The following ADAM32 variants were observed in gnomAD, a reference collection of about 807,000 sequenced individuals.
The protein encoded by ADAM32 is disintegrin and metalloproteinase domain-containing protein 32.
A neutral mutation model predicts 114.9 loss-of-function variants in ADAM32; 89 were observed. The ratio of observed to expected loss-of-function variants is 0.77; its 90% CI spans 0.65 to 0.92. The LOEUF (loss-of-function observed/expected upper bound fraction) is 0.92. Among genes scored for constraint, ADAM32 ranks in the 40% least tolerant of loss-of-function variants. The probability of loss-of-function intolerance (pLI) is 0.00; values close to 1 mark genes in which losing one functional copy is unlikely to be tolerated. For synonymous variants in ADAM32, 285 were observed against 307.5 expected (o/e 0.93, Z 0.77); for missense variants, 870 against 932.8 (o/e 0.93, Z 0.88).
rs34870154 is a variant in ADAM32 at position 39,275,885 on chromosome 8, AT to A, written c.2279+27del. ...CTAGCAAGTAAGTGAATTAGGGGGC[AT>A]TTTTTTTATATAATAAGTATATGTT... On this transcript the variant is annotated intron_variant, in intron 22 of 24. Coordinates refer to ENST00000379907, the MANE Select transcript of ADAM32 (RefSeq NM_145004.7). 1,663 of 1,534,822 alleles carry A rather than the reference AT, an allele frequency of 1.1e-3. 10 individuals carry two copies. In the African/African-American group the frequency reaches 0.018, roughly 17 times the overall value.
intron 22 of ADAM32, among the ~76,000 whole-genome samples, chr8:39,277,054 CTA>C (rs10612097): frequency 0.34 from 51,289 of 151,872 alleles, 10,264 homozygotes; most frequent in African/African-American, 0.57. Flanking sequence ...ATAGACAAAT[CTA>C]TATATATATG....
intron 21 of ADAM32, among the ~76,000 whole-genome samples, chr8:39,274,651 C>T (rs1812964079): frequency 6.6e-6 from 1 of 152,162 alleles, no homozygotes; most frequent in Admixed American, 6.5e-5. Context: ...AGTTACCCAG[C>T]TGGTGTTACA....
chr8:39,121,818 G>A (rs1268419701), intron 2 of ADAM32, among the ~76,000 whole-genome samples: 1 of 152,096 alleles, frequency 6.6e-6, no homozygotes, highest in Non-Finnish European at 1.5e-5. Flanking sequence ...CAGAGCTGAG[G>A]GGATGGGGCC....
At chr8:39,283,762 T>G in intron 24 of ADAM32, 138 bp downstream of exon 24, 1 of 541,926 alleles carries the variant, frequency 1.8e-6, no homozygotes. Context: ...AACCTATCTT[T>G]CTTTTATTCT....
At chr8:39,148,216 T>C (rs1259530942) in intron 4 of ADAM32, among the ~76,000 whole-genome samples, 1 of 152,174 alleles carries the variant, frequency 6.6e-6, no homozygotes, top group East Asian at 1.9e-4. Context: ...GGTTCCCTTT[T>C]ACCTCTCTGA....
At chr8:39,193,061 T>G (rs1806708425) in intron 11 of ADAM32, among the ~76,000 whole-genome samples, 1 of 152,188 alleles carries the variant, frequency 6.6e-6, no homozygotes, top group Admixed American at 6.5e-5. Context: ...AATGTTGGCC[T>G]CTCTAGCTAG....
chr8:39,136,521 T>C, intron 2 of ADAM32, 136 bp from the exon 3 acceptor site: 1 of 565,556 alleles, frequency 1.8e-6, no homozygotes, highest in Non-Finnish European at 3.0e-6. Context: ...TTGTTGCACA[T>C]TTTAAATCAC....
At chr8:39,163,925 A>G (rs764286670) in intron 7 of ADAM32, among the ~76,000 whole-genome samples, 4 of 152,228 alleles carry the variant, frequency 2.6e-5, no homozygotes, top group African/African-American at 4.8e-5. Context: ...CTATGGATAT[A>G]TACAGTTTGA....
At chr8:39,152,501 C>A (rs1246281961) in intron 6 of ADAM32, among the ~76,000 whole-genome samples, 3 of 151,752 alleles carry the variant, frequency 2.0e-5, no homozygotes, top group Non-Finnish European at 4.4e-5. Context: ...TTGGGTGGAT[C>A]TCCTGAGGTC....
At chr8:39,153,112 G>T (rs1435632917) in intron 6 of ADAM32, among the ~76,000 whole-genome samples, 1 of 152,134 alleles carries the variant, frequency 6.6e-6, no homozygotes, top group East Asian at 1.9e-4. Context: ...TAGACTCTAA[G>T]TTTGCTTAAT....
intron 5 of ADAM32, 120 bp downstream of exon 5, chr8:39,149,987 A>G: frequency 1.6e-6 from 1 of 628,204 alleles, no homozygotes; most frequent in Non-Finnish European, 2.6e-6. Flanking sequence ...TTATTTAATG[A>G]TATCCCCCTC....
rs543394699 is a variant in ADAM32, at chr8:39,216,795, G to C, written c.1234-4815G>C. Among the ~76,000 whole-genome samples, 6 of 150,920 alleles carry C rather than the reference G, an allele frequency of 4.0e-5. No homozygotes were observed. The South Asian group carries it at 1.2e-3, about 31-fold the overall frequency. On this transcript the variant is annotated intron_variant, in intron 12 of 24. Coordinates refer to ENST00000379907, the MANE Select transcript of ADAM32 (RefSeq NM_145004.7). Reference sequence around the variant, plus strand: ...TTTGTTTTTTCTATTTATATATATCGTACTGACTATGTCTTGAAAAGTTGT... The same window carrying C: ...TTTGTTTTTTCTATTTATATATATCCTACTGACTATGTCTTGAAAAGTTGT...
intron 16 of ADAM32, among the ~76,000 whole-genome samples, chr8:39,243,696 A>C (rs1585628626): frequency 1.3e-5 from 2 of 152,220 alleles, no homozygotes; most frequent in African/African-American, 4.8e-5. Context: ...AAAAGTTGAA[A>C]GCATTTTCCC....
At chr8:39,251,705 G>C (rs1472753294) in intron 17 of ADAM32, among the ~76,000 whole-genome samples, 1 of 151,748 alleles carries the variant, frequency 6.6e-6, no homozygotes, top group African/African-American at 2.4e-5. Flanking sequence ...TTGCTGTGTA[G>C]AAGCTTTTTA....
chr8:39,187,353 G>A (rs1188722303), intron 11 of ADAM32, among the ~76,000 whole-genome samples: 1 of 152,152 alleles, frequency 6.6e-6, no homozygotes, highest in Non-Finnish European at 1.5e-5. Context: ...CTCACTGCAA[G>A]CTCTGCCTCC....
chr8:39,149,672 G>C (rs1276501997), intron 4 of ADAM32, 119 bp from the exon 5 acceptor site: 1 of 694,720 alleles, frequency 1.4e-6, no homozygotes, highest in Non-Finnish European at 2.3e-6. Context: ...TACTTGTACT[G>C]ATATAAATCA....
intron 24 of ADAM32, 86 bp downstream of exon 24, chr8:39,283,710 T>C: frequency 1.8e-6 from 2 of 1,082,346 alleles, no homozygotes; most frequent in Non-Finnish European, 2.7e-6. Context: ...TTCCTAAGTA[T>C]GGACTGGGTA....
At chr8:39,280,280 T>TC (rs1003180642) in intron 22 of ADAM32, among the ~76,000 whole-genome samples, 1 of 124,970 alleles carries the variant, frequency 8.0e-6, no homozygotes, top group African/African-American at 5.8e-5. Context: ...TTCTAATTTA[T>TC]TTTTTTTTAA....
At chr8:39,168,069 A>G (rs562246458) in intron 9 of ADAM32, 1 of 152,148 alleles carries the variant, frequency 6.6e-6, no homozygotes, top group African/African-American at 2.4e-5. Flanking sequence ...GTTTATCTTT[A>G]TGACAAATAC....
Sources: allele counts gnomAD v4.1 joint callset (sites outside exome capture counted in the v4.1 genomes callset), GRCh38; gene constraint gnomAD v4.1.1; transcripts MANE v1.5; gene names NCBI Gene and HGNC (gene_info 2026-07-23, HGNC 2026-07-21).